HEXD: variants seen among roughly 807,000 people sequenced by gnomAD.
HEXD encodes hexosaminidase D.
HEXD carries 47 observed loss-of-function variants against 54.2 expected under a neutral mutation model. The observed-to-expected ratio is 0.87, with a 90% confidence interval of 0.69 to 1.11. The LOEUF (loss-of-function observed/expected upper bound fraction) is 1.11, where lower values mean the gene tolerates loss of function less well. Ranked by LOEUF, HEXD falls within the 50% of genes least tolerant of loss-of-function variation. The probability of loss-of-function intolerance (pLI) is 0.00; values close to 1 mark genes in which losing one functional copy is unlikely to be tolerated. For missense variants in HEXD, 576 were observed against 649.2 expected (o/e 0.89, Z 1.23); for synonymous variants, 293 against 287.6 (o/e 1.02, Z -0.19).
At chr17:82,421,888 A>G (rs962460750) in intron 2 of HEXD, among the ~76,000 whole-genome samples, 6 of 151,988 alleles carry the variant, frequency 3.9e-5, no homozygotes, top group African/African-American at 9.7e-5. Flanking sequence ...TAGGTAAGAA[A>G]AAAGAAGGCC....
chr17:82,424,537 C>A (rs779301131), intron 3 of HEXD, 34 bp downstream of exon 3: 3 of 1,497,590 alleles, frequency 2.0e-6, no homozygotes, highest in Non-Finnish European at 2.8e-6. Flanking sequence ...AGGGGCGCGG[C>A]GTGAAAGCGG....
Position 82,441,195 on chromosome 17 carries a change from C to T in HEXD, c.1092C>T (p.Asn364=). ...REGAGSFPGS[N]ILALVTQVSL... ...GGGCCGGCTCCTTCCCTGGCAGCAA[C>T]ATCCTTGCCCTTGTCACACAAGTCA... The change falls in exon 11 of 13, where the codon AAC becomes AAT. Residue 364 remains asparagine, a synonymous_variant. Transcript: ENST00000327949. 6.2e-7 allele frequency: 1 copy of T among 1,613,178 alleles called. No individual in the cohort carries two copies. The highest frequency in any genetic ancestry group is 8.5e-7 in the Non-Finnish European group (1 of 1,179,988).
intron 8 of HEXD, 128 bp from the exon 9 acceptor site, chr17:82,439,503 T>C: frequency 6.9e-7 from 1 of 1,450,108 alleles, no homozygotes; most frequent in Non-Finnish European, 9.0e-7. Context: ...GTTGAGGGGG[T>C]CGGGCTGCCC....
rs2053778847 is a variant in HEXD at position 82,436,703 on chromosome 17, G to T, written c.668G>T (p.Trp223Leu). Reference protein sequence around the residue: ...GVPQLVEPVLWDYTADLDVHG... With the variant: ...GVPQLVEPVLLDYTADLDVHG... ...CCGCAGCTGGTGGAGCCGGTGCTCT[G>T]GGACTACACGGCCGACCTGGATGTG... The change falls in exon 7 of 13, where the codon TGG becomes TTG. Residue 223 changes from tryptophan (W) to leucine (L), a missense_variant. Transcript: ENST00000327949. 6.2e-7 allele frequency: 1 copy of T among 1,612,476 alleles called. No individual in the cohort carries two copies. The highest frequency in any genetic ancestry group is 1.7e-5 in the Admixed American group (1 of 59,872).
At position 82,424,443 on chromosome 17, in the gene HEXD, A is replaced by T. The variant is rs751600483; in HGVS notation, c.134A>T (p.Tyr45Phe). ...GGTGCAAACGGCCTCCTCATTGAGT[A>T]TGAAGACATGTTTCCCTACGAGGGC... Reference protein sequence around the residue: ...ALGANGLLIEYEDMFPYEGPL... With the variant: ...ALGANGLLIEFEDMFPYEGPL... Residue 45 changes from tyrosine to phenylalanine, a missense_variant, in exon 3 of 13, where the codon TAT becomes TTT. Coordinates refer to ENST00000327949, the MANE Select transcript of HEXD (RefSeq NM_001330542.2). 13 of 1,613,972 alleles carry T rather than the reference A, an allele frequency of 8.1e-6. No homozygotes were observed. In the South Asian group the frequency reaches 1.3e-4, roughly 16 times the overall value.
chr17:82,440,758 G>A, intron 9 of HEXD: 1 of 559,026 alleles, frequency 1.8e-6, no homozygotes, highest in Non-Finnish European at 3.2e-6. Flanking sequence ...TGGCAACACA[G>A]TCTTACTTCT....
chr17:82,422,160 C>T (rs530877525), intron 2 of HEXD, among the ~76,000 whole-genome samples: 1 of 132,030 alleles, frequency 7.6e-6, no homozygotes, highest in South Asian at 2.4e-4. Flanking sequence ...GAGTGAGACT[C>T]TGTCTCAAAA....
chr17:82,425,589 C>A lies in HEXD; in HGVS notation c.194+1086C>A, dbSNP rs534525300. ...TAAAATCACAGGTCTCTGTGAAAAT[C>A]AATAACGGCCCCAAAGATAAATGCA... On this transcript the variant is annotated intron_variant, in intron 3 of 12. Coordinates refer to ENST00000327949, the MANE Select transcript of HEXD (RefSeq NM_001330542.2). 2.0e-5 allele frequency: 3 copies of A among 152,418 alleles called. No homozygotes were observed. The South Asian group carries it at 6.2e-4, about 31-fold the overall frequency. 9.4% of individuals were successfully genotyped at this position (152,418 alleles called of 1,614,324 possible). A position where few individuals can be genotyped will look rare whatever the true frequency, so the allele number is the denominator to read the frequency against.
chr17:82,418,566 G>T lies in HEXD; in HGVS notation c.-226G>T. Reference sequence around the variant, plus strand: ...CGCCGTAACAGGGAGCGCGAGGCAGGCACGGCGCAGGGACGCGAGTGCGAC... The same window carrying T: ...CGCCGTAACAGGGAGCGCGAGGCAGTCACGGCGCAGGGACGCGAGTGCGAC... On this transcript the variant is annotated 5_prime_UTR_variant, in exon 1 of 13. Coordinates refer to ENST00000327949, the MANE Select transcript of HEXD (RefSeq NM_001330542.2). 1.3e-6 allele frequency: 1 copy of T among 744,868 alleles called. No homozygotes were observed. The allele number at this position is 744,868 out of a possible 1,614,324, so 46.1% of individuals were successfully genotyped here.
At chr17:82,439,146 G>A (rs1170224851) in intron 8 of HEXD, among the ~76,000 whole-genome samples, 17 of 152,206 alleles carry the variant, frequency 1.1e-4, no homozygotes, top group Non-Finnish European at 7.3e-5. Context: ...TGCCTGCCAC[G>A]CCTGATCTCT....
At chr17:82,433,075 AAG>A (rs1567890244) in intron 4 of HEXD, among the ~76,000 whole-genome samples, 2 of 22,342 alleles carry the variant, frequency 9.0e-5, no homozygotes, top group Admixed American at 6.7e-4. Flanking sequence ...CAAAAAAAAA[AAG>A]AAAAAAAAAA....
intron 11 of HEXD, among the ~76,000 whole-genome samples, chr17:82,441,525 G>T (rs2053967953): frequency 6.7e-6 from 1 of 148,656 alleles, no homozygotes; most frequent in African/African-American, 2.5e-5. Flanking sequence ...GCGGCTGAGG[G>T]GCAGGTGTGG....
At chr17:82,422,160 CTG>C (rs1217561795) in intron 2 of HEXD, among the ~76,000 whole-genome samples, 1 of 131,946 alleles carries the variant, frequency 7.6e-6, no homozygotes, top group African/African-American at 2.9e-5. Context: ...GAGTGAGACT[CTG>C]TCTCAAAAAA....
chr17:82,436,629 C>T (rs2053775491), intron 6 of HEXD, 38 bp from the exon 7 acceptor site: 1 of 1,564,328 alleles, frequency 6.4e-7, no homozygotes, highest in Non-Finnish European at 8.7e-7. Flanking sequence ...GAGTGTGGTC[C>T]AGGTGTCTCA....
intron 4 of HEXD, among the ~76,000 whole-genome samples, chr17:82,429,290 C>T (rs569196441): frequency 1.3e-5 from 2 of 151,864 alleles, no homozygotes; most frequent in South Asian, 2.1e-4. Context: ...TATTCTTTTT[C>T]CTGTCTGCAT....
rs772215126 is a variant in HEXD, at chr17:82,435,641, C to T, written c.448-48C>T. The stretch of plus-strand genomic sequence containing the variant: ...CGGCGTGAACCCCGGACCCTCCCAC[C>T]GGTGTGCACGGCTGCCAAGGCAACC... On this transcript the variant is annotated intron_variant, in intron 5 of 12. Coordinates refer to ENST00000327949, the MANE Select transcript of HEXD (RefSeq NM_001330542.2). The T allele has an allele frequency of 8.6e-5, 134 of 1,561,762 alleles. No homozygotes were observed. The South Asian group carries it at 9.3e-4, about 11-fold the overall frequency.
chr17:82,433,627 C>T (rs201317032), intron 4 of HEXD, 31 bp from the exon 5 acceptor site: 13 of 1,517,532 alleles, frequency 8.6e-6, no homozygotes, highest in Non-Finnish European at 1.1e-5. Flanking sequence ...GCTCCTCCGC[C>T]CCCAACGCGA....
At chr17:82,437,137 G>C (rs750838332) in intron 7 of HEXD, 31 bp from the exon 8 acceptor site, 2 of 1,546,274 alleles carry the variant, frequency 1.3e-6, no homozygotes, top group Non-Finnish European at 1.8e-6. Flanking sequence ...GCCTCCCCTG[G>C]AGCCACTCAC....
At chr17:82,423,383 AG>A (rs1328323900) in intron 2 of HEXD, 5 of 152,310 alleles carry the variant, frequency 3.3e-5, no homozygotes, top group African/African-American at 9.6e-5. Context: ...CAGGAGGCCT[AG>A]CATGTGCCTG....
Sources: gnomAD v4.1 joint callset for allele counts (sites outside exome capture counted in the v4.1 genomes callset) on GRCh38, gnomAD v4.1.1 for gene constraint, MANE v1.5 for transcripts, NCBI Gene and HGNC (gene_info 2026-07-23, HGNC 2026-07-21) for gene names.